Variants in PRDM10 observed in about 807,000 individuals in gnomAD.
PRDM10 encodes PR domain zinc finger protein 10.
In PRDM10, 65 loss-of-function variants were observed where a neutral mutation model predicts 133.1. The observed-to-expected ratio is 0.49, with a 90% CI of 0.40 to 0.60. PRDM10 has a LOEUF of 0.60. Ranked by LOEUF, PRDM10 falls within the 20% of genes least tolerant of loss-of-function variation. The probability of loss-of-function intolerance (pLI) is 0.00; values close to 1 mark genes in which losing one functional copy is unlikely to be tolerated. For missense variants in PRDM10, 1,137 were observed against 1,507.1 expected, an observed-to-expected ratio of 0.75 and a Z score of 4.07; for synonymous variants, 582 against 580.4, an observed-to-expected ratio of 1.00 and a Z score of -0.04.
chr11:129,948,947 C>T (rs1951506358), intron 4 of PRDM10, among the ~76,000 whole-genome samples: 1 of 152,148 alleles, frequency 6.6e-6, no homozygotes. Flanking sequence ...CATTTTTCCC[C>T]TCATCAGGAC....
chr11:129,987,253 T>A (rs1325817653), intron 1 of PRDM10, among the ~76,000 whole-genome samples: 1 of 152,194 alleles, frequency 6.6e-6, no homozygotes, highest in East Asian at 1.9e-4. Flanking sequence ...GGCAACAGCT[T>A]TCCTGCCATG....
Position 129,902,171 on chromosome 11 carries a change from G to T in PRDM10, c.*142C>A. 2 of 1,191,234 alleles carry T rather than the reference G, an allele frequency of 1.7e-6. No individual in the cohort carries two copies. Among genetic ancestry groups the T allele is most frequent in the Non-Finnish European group, 1.2e-6 (1 of 868,596 alleles). The allele number at this position is 1,191,234 out of a possible 1,614,324, so 73.8% of individuals were successfully genotyped here. A position where few individuals can be genotyped will look rare whatever the true frequency, so the allele number is the denominator to read the frequency against. On this transcript the variant is annotated 3_prime_UTR_variant, in exon 21 of 21. Transcript: ENST00000360871. ...GATGACCTTGGCAAAATAAACCCCA[G>T]TGTATGGATGAGAGACAAAACTGTG...
intron 4 of PRDM10, among the ~76,000 whole-genome samples, chr11:129,954,266 A>AT (rs869088706): frequency 0.052 from 4,951 of 96,052 alleles, 280 homozygotes; most frequent in African/African-American, 0.25. Context: ...TAATTTATTT[A>AT]TTTTTTTTTT....
chr11:129,979,863 T>C (rs1938006899), intron 1 of PRDM10, among the ~76,000 whole-genome samples: 1 of 152,212 alleles, frequency 6.6e-6, no homozygotes, highest in South Asian at 2.1e-4. Flanking sequence ...CACCTGGAGC[T>C]CTGCAGGCTT....
At chr11:129,976,408 C>A (rs576341784) in intron 1 of PRDM10, among the ~76,000 whole-genome samples, 1 of 152,298 alleles carries the variant, frequency 6.6e-6, no homozygotes, top group African/African-American at 2.4e-5. Flanking sequence ...GATGTGAGGA[C>A]AGCCAACATG....
chr11:130,000,799 C>T (rs1377983786), intron 1 of PRDM10, among the ~76,000 whole-genome samples: 2 of 152,284 alleles, frequency 1.3e-5, no homozygotes, highest in African/African-American at 4.8e-5. Context: ...AACTTCACCT[C>T]AATTTATTGT....
At chr11:129,930,462 G>A (rs191447148) in intron 11 of PRDM10, among the ~76,000 whole-genome samples, 64 of 152,300 alleles carry the variant, frequency 4.2e-4, no homozygotes, top group African/African-American at 1.5e-3. Flanking sequence ...CACAGGTCCC[G>A]TGACTCAGAC....
chr11:129,917,260 A>G, intron 14 of PRDM10, 23 bp from the exon 15 acceptor site: 1 of 1,567,268 alleles, frequency 6.4e-7, no homozygotes, highest in Non-Finnish European at 8.8e-7. Flanking sequence ...GAAAGAACCA[A>G]TGAGAAAAAG....
At chr11:129,906,361 G>A (rs1430438230) in intron 19 of PRDM10, among the ~76,000 whole-genome samples, 1 of 152,146 alleles carries the variant, frequency 6.6e-6, no homozygotes. Flanking sequence ...AATAACGCAG[G>A]AGCCAGTTAG....
In PRDM10 at chr11:129,957,755, T is replaced by C. The variant is rs778562064; in HGVS notation, c.225A>G (p.Glu75=). 1.2e-6 allele frequency: 2 copies of C among 1,611,528 alleles called. No individual in the cohort carries two copies. Among genetic ancestry groups the C allele is most frequent in the South Asian group, 2.2e-5 (2 of 90,852 alleles). The change falls in exon 3 of 21, where the codon GAA becomes GAG. Residue 75 remains glutamate (E), a synonymous_variant. Coordinates refer to ENST00000360871, the MANE Select transcript of PRDM10 (RefSeq NM_199437.2). The part of the protein sequence containing the change: ...EHTLVYIHPV[E]AAQTLFTDPG... ...ATAACCCTTCACATGCCTGTGCAGCTTCCACCGGGTGGATGTACACCAGCG... is the reference window on the plus strand; with the variant it reads ...ATAACCCTTCACATGCCTGTGCAGCCTCCACCGGGTGGATGTACACCAGCG...
rs1333564813 is a variant in PRDM10, at chr11:129,925,131, CT to C, written c.1628del (p.Gln543ArgfsTer14). On this transcript the variant is annotated frameshift_variant, in exon 12 of 21. Transcript: ENST00000360871. LOFTEE classifies it high-confidence loss of function. ...KAFREKDKLDQHLRFHGREGN... is the reference protein window; with the variant it reads ...KAFREKDKLDXHLRFHGREGN... ...CCTCCCGCCCATGGAAGCGTAAGTG[CT>C]GGTCCAGTTTGTCCTTTTCCCGGAA... is the stretch of plus-strand genomic sequence containing the variant. 1 of 1,614,204 alleles carries C rather than the reference CT, an allele frequency of 6.2e-7. No homozygotes were observed. The highest frequency in any genetic ancestry group is 8.5e-7 in the Non-Finnish European group (1 of 1,180,046).
At chr11:129,998,385 A>AG (rs1319760273) in intron 1 of PRDM10, among the ~76,000 whole-genome samples, 1 of 151,466 alleles carries the variant, frequency 6.6e-6, no homozygotes, top group East Asian at 1.9e-4. Flanking sequence ...TTAAAAAAAA[A>AG]GGGGGGGAGG....
intron 6 of PRDM10, among the ~76,000 whole-genome samples, chr11:129,943,732 T>C (rs1473540319): frequency 1.3e-5 from 2 of 152,102 alleles, no homozygotes; most frequent in Admixed American, 6.5e-5. Context: ...CGGTGGCTCA[T>C]GCCTGTAATC....
intron 1 of PRDM10, among the ~76,000 whole-genome samples, chr11:129,997,294 A>AC (rs746682579): frequency 6.6e-6 from 1 of 152,202 alleles, no homozygotes; most frequent in African/African-American, 2.4e-5. Flanking sequence ...AGCCTGGGCA[A>AC]CGTGGCAAGA....
intron 3 of PRDM10, 138 bp from the exon 4 acceptor site, chr11:129,955,709 C>T: frequency 4.6e-6 from 3 of 649,396 alleles, no homozygotes; most frequent in Non-Finnish European, 7.8e-6. Context: ...TTCATTAATA[C>T]AGAAAATAAA....
chr11:129,942,694 T>C lies in PRDM10; in HGVS notation c.763-65A>G, dbSNP rs548041157. 3.7e-5 allele frequency: 52 copies of C among 1,387,930 alleles called. No individual in the cohort carries two copies. The East Asian group carries it at 6.0e-4, about 16-fold the overall frequency. The allele number at this position is 1,387,930 out of a possible 1,614,324, so 86.0% of individuals were successfully genotyped here. A position where few individuals can be genotyped will look rare whatever the true frequency, so the allele number is the denominator to read the frequency against. On this transcript the variant is annotated intron_variant, in intron 6 of 20. Transcript: ENST00000360871. ...CTTCAATATGAGACACATTTTATAA[T>C]GTCACAATACGCAAAATATTGCTTC... is the stretch of plus-strand genomic sequence containing the variant.
chr11:129,994,499 G>T (rs1938935571), intron 1 of PRDM10, among the ~76,000 whole-genome samples: 1 of 151,002 alleles, frequency 6.6e-6, no homozygotes, highest in African/African-American at 2.4e-5. Context: ...GAAACTGGTG[G>T]TGGTGGTTTG....
At chr11:129,933,699 G>C (rs141599736) in intron 9 of PRDM10, among the ~76,000 whole-genome samples, 7 of 152,214 alleles carry the variant, frequency 4.6e-5, no homozygotes, top group African/African-American at 1.7e-4. Flanking sequence ...AAGGGAGCTG[G>C]CATATAAACC....
intron 19 of PRDM10, among the ~76,000 whole-genome samples, chr11:129,907,644 C>A (rs1031534484): frequency 3.8e-4 from 58 of 152,052 alleles, no homozygotes; most frequent in African/African-American, 1.3e-3. Flanking sequence ...ACCTCATGAT[C>A]CACCTGCCTT....
Sources: gnomAD v4.1 joint callset for allele counts (sites outside exome capture counted in the v4.1 genomes callset) on GRCh38, gnomAD v4.1.1 for gene constraint, MANE v1.5 for transcripts, NCBI Gene and HGNC (gene_info 2026-07-23, HGNC 2026-07-21) for gene names.